Variants in SUSD1 observed in about 807,000 individuals in gnomAD.
The protein encoded by SUSD1 is sushi domain-containing protein 1.
Under a neutral mutation model 86.9 loss-of-function variants are expected in SUSD1, and 65 were observed. The ratio of observed to expected loss-of-function variants is 0.75; its 90% CI spans 0.61 to 0.92. SUSD1 has a LOEUF of 0.92. Ranked by LOEUF, SUSD1 falls within the 40% of genes least tolerant of loss-of-function variation. SUSD1 has a pLI of 0.00. For synonymous variants in SUSD1, 346 were observed against 350.0 expected (o/e 0.99, Z 0.13); for missense variants, 850 against 929.7 (o/e 0.91, Z 1.11).
intron 8 of SUSD1, 88 bp from the exon 9 acceptor site, chr9:112,102,373 T>A: frequency 1.8e-6 from 1 of 565,436 alleles, no homozygotes; most frequent in Non-Finnish European, 3.0e-6. Context: ...TCTGACACCT[T>A]AAGAGAGCCA....
intron 5 of SUSD1, among the ~76,000 whole-genome samples, chr9:112,135,020 T>G (rs1461903262): frequency 2.6e-5 from 4 of 151,778 alleles, no homozygotes; most frequent in Non-Finnish European, 4.4e-5. Context: ...GAGTCAAGTT[T>G]GTGCCATTGC....
chr9:112,169,189 C>T (rs1186336324), intron 1 of SUSD1: 1 of 152,088 alleles, frequency 6.6e-6, no homozygotes, highest in Non-Finnish European at 1.5e-5. Context: ...CTACTCTCTC[C>T]AGCAATGTAA....
At chr9:112,145,925 T>G (rs1198550436) in intron 3 of SUSD1, 1 of 152,232 alleles carries the variant, frequency 6.6e-6, no homozygotes, top group Non-Finnish European at 1.5e-5. Context: ...CATCTCACAC[T>G]AGAACCCCAG....
chr9:112,044,819 T>C (rs1827885676), intron 15 of SUSD1, among the ~76,000 whole-genome samples: 1 of 152,220 alleles, frequency 6.6e-6, no homozygotes, highest in South Asian at 2.1e-4. Context: ...TTAAAAAGCA[T>C]GCACTTCTTA....
chr9:112,042,100 C>A lies in SUSD1; in HGVS notation c.2150-140G>T, dbSNP rs781608602. 82 of 1,543,256 alleles carry A rather than the reference C, an allele frequency of 5.3e-5. No individual in the cohort carries two copies. The Middle Eastern group carries it at 1.0e-3, about 19-fold the overall frequency. On this transcript the variant is annotated intron_variant, in intron 15 of 16. Transcript: ENST00000374270. ...AAGAATCCCAAGAATGCCCAACATG[C>A]CTGTGTGTCCCCTGAGTTGGCCCTG...
rs144534097 is a variant in SUSD1, at chr9:112,071,147, G to T, written c.1753+7391C>A. On this transcript the variant is annotated intron_variant, in intron 12 of 16. Transcript: ENST00000374270. Reference sequence around the variant, plus strand: ...TTATAGGAATGTGCCACTGTGCCCAGCCTGAAACTAAATTTTAAGTGCAAA... The same window carrying T: ...TTATAGGAATGTGCCACTGTGCCCATCCTGAAACTAAATTTTAAGTGCAAA... Among the ~76,000 whole-genome samples, 66 of 152,256 alleles carry T rather than the reference G, an allele frequency of 4.3e-4. 1 individual carries two copies. Among genetic ancestry groups the T allele is most frequent in the Non-Finnish European group, 7.6e-4 (52 of 68,014 alleles).
rs183010023 is a variant in SUSD1, at chr9:112,157,561, T to G, written c.156A>C (p.Glu52Asp). Residue 52 changes from glutamate to aspartate, a missense_variant, in exon 2 of 17, where the codon GAA becomes GAC. By Grantham distance (45) the Glu-to-Asp change is conservative. Coordinates refer to ENST00000374270, the MANE Select transcript of SUSD1 (RefSeq NM_022486.5). ...CHEHATCQQR[E>D]GKKICICNYG... ...AGTTGCAAATACAGATCTTCTTCCC[T>G]TCTCTTTGCTGGCATGTGGCATGTT... 29 of 1,614,186 alleles carry G rather than the reference T, an allele frequency of 1.8e-5. No individual in the cohort carries two copies. In the East Asian group the frequency reaches 6.0e-4, roughly 33 times the overall value.
chr9:112,172,545 C>T (rs1269443256), intron 1 of SUSD1, among the ~76,000 whole-genome samples: 1 of 152,170 alleles, frequency 6.6e-6, no homozygotes, highest in African/African-American at 2.4e-5. Flanking sequence ...TTGATTTCAT[C>T]TCTCCAAATC....
At chr9:112,088,393 G>C (rs148790031) in intron 10 of SUSD1, among the ~76,000 whole-genome samples, 8 of 152,312 alleles carry the variant, frequency 5.3e-5, no homozygotes, top group African/African-American at 1.9e-4. Flanking sequence ...GAAAAACTGA[G>C]AGGAAAAGGG....
intron 8 of SUSD1, among the ~76,000 whole-genome samples, chr9:112,110,382 A>C (rs1831038898): frequency 6.6e-6 from 1 of 151,864 alleles, no homozygotes; most frequent in African/African-American, 2.4e-5. Flanking sequence ...TTACTTGTCA[A>C]GGTTTGTCTA....
At chr9:112,084,552 C>T (rs1829897573) in intron 10 of SUSD1, among the ~76,000 whole-genome samples, 1 of 152,162 alleles carries the variant, frequency 6.6e-6, no homozygotes, top group Non-Finnish European at 1.5e-5. Context: ...TCAGTTCCAC[C>T]CGGGTCAGGG....
At chr9:112,104,190 G>T (rs1830741246) in intron 8 of SUSD1, among the ~76,000 whole-genome samples, 1 of 151,436 alleles carries the variant, frequency 6.6e-6, no homozygotes, top group Non-Finnish European at 1.5e-5. Context: ...TAATTTTGGG[G>T]GTTTCTTTTG....
chr9:112,098,543 A>G lies in SUSD1; in HGVS notation c.1401T>C (p.Tyr467=). The change falls in exon 10 of 17, where the codon TAT becomes TAC. Residue 467 remains tyrosine, a synonymous_variant. Coordinates refer to ENST00000374270, the MANE Select transcript of SUSD1 (RefSeq NM_022486.5). ...VCLDLYPTTD[Y]TVNVTLLRSP... ...ATCTCAGCAGGGTCACATTCACCGT[A>G]TAATCAGTCGTAGGGTACAGATCCA... 7 of 1,614,202 alleles carry G rather than the reference A, an allele frequency of 4.3e-6. No homozygotes were observed. Among genetic ancestry groups the G allele is most frequent in the South Asian group, 3.3e-5 (3 of 91,090 alleles).
In SUSD1 at chr9:112,167,854, T is replaced by C. The variant is rs188718196; in HGVS notation, c.103+7279A>G. Among the ~76,000 whole-genome samples, 8 of 152,298 alleles carry C rather than the reference T, an allele frequency of 5.3e-5. No individual in the cohort carries two copies. The East Asian group carries it at 1.5e-3, about 29-fold the overall frequency. On this transcript the variant is annotated intron_variant, in intron 1 of 16. Transcript: ENST00000374270. ...TAATGGACTCACAGTCCCAAGTGGC[T>C]GGGGAAGCCTCACAGTCATGGCAGA...
intron 10 of SUSD1, among the ~76,000 whole-genome samples, chr9:112,092,586 A>G (rs552753599): frequency 2.0e-4 from 31 of 152,310 alleles, no homozygotes; most frequent in Non-Finnish European, 4.3e-4. Flanking sequence ...CCTTATTCCT[A>G]TATTTTTTAT....
rs76759604 is a variant in SUSD1, at chr9:112,136,775, T to G, written c.706+5545A>C. ...CTCTTCATTTGAATGCACTAAATTG[T>G]GGTACAATTTATGTCGAAGCTTTTT... is the stretch of plus-strand genomic sequence containing the variant. On this transcript the variant is annotated intron_variant, in intron 5 of 16. Transcript: ENST00000374270. Among the ~76,000 whole-genome samples, 1,436 of 152,330 alleles carry G rather than the reference T, an allele frequency of 9.4e-3. 40 individuals carry two copies. Among genetic ancestry groups the G allele is most frequent in the East Asian group, 0.079 (412 of 5,186 alleles).
chr9:112,174,558 G>A (rs987447426), intron 1 of SUSD1, among the ~76,000 whole-genome samples: 1 of 152,050 alleles, frequency 6.6e-6, no homozygotes, highest in Non-Finnish European at 1.5e-5. Flanking sequence ...CGCCCTCATC[G>A]CGCACAGGGA....
chr9:112,054,938 A>G (rs1469720150), intron 14 of SUSD1, among the ~76,000 whole-genome samples: 1 of 152,236 alleles, frequency 6.6e-6, no homozygotes, highest in African/African-American at 2.4e-5. Context: ...GTATTTCACA[A>G]GGGATTACAG....
At position 112,098,552 on chromosome 9, in the gene SUSD1, C is replaced by A. The variant is rs139934700; in HGVS notation, c.1392G>T (p.Thr464=). Residue 464 remains threonine, a synonymous_variant, in exon 10 of 17, where the codon ACG becomes ACT. Transcript: ENST00000374270. Reference sequence around the variant, plus strand: ...GGGTCACATTCACCGTATAATCAGTCGTAGGGTACAGATCCAAACACACTA... The same window carrying A: ...GGGTCACATTCACCGTATAATCAGTAGTAGGGTACAGATCCAAACACACTA... The part of the protein sequence containing the change: ...VPVVCLDLYP[T]TDYTVNVTLL... 6.4e-5 allele frequency: 103 copies of A among 1,614,034 alleles called. No individual in the cohort carries two copies.
Sources: allele counts gnomAD v4.1 joint callset (sites outside exome capture counted in the v4.1 genomes callset), GRCh38; gene constraint gnomAD v4.1.1; transcripts MANE v1.5; gene names NCBI Gene and HGNC (gene_info 2026-07-23, HGNC 2026-07-21).